The following NRXN3 variants were observed in gnomAD, a reference collection of about 807,000 sequenced individuals.
The protein encoded by NRXN3 is neurexin 3, also known as neurexin III.
A neutral mutation model predicts 137.6 loss-of-function variants in NRXN3; 32 were observed. The observed-to-expected ratio is 0.23, with a 90% CI of 0.18 to 0.31. NRXN3 has a LOEUF of 0.31. Among genes scored for constraint, NRXN3 ranks in the 10% least tolerant of loss-of-function variants. The pLI is 1.00. For missense variants in NRXN3, 1,574 were observed against 2,062.5 expected (o/e 0.76, Z 4.59); for synonymous variants, 798 against 784.5 (o/e 1.02, Z -0.29).
At chr14:78,660,276 T>TATATATATA (rs1566997203) in intron 6 of NRXN3, among the ~76,000 whole-genome samples, 1 of 150,244 alleles carries the variant, frequency 6.7e-6, no homozygotes, top group African/African-American at 2.5e-5. Context: ...TATATATATA[T>TATATATATA]TTGGCAACTG....
chr14:79,227,116 C>T (rs1454319507), intron 15 of NRXN3, among the ~76,000 whole-genome samples: 2 of 151,694 alleles, frequency 1.3e-5, no homozygotes, highest in African/African-American at 4.9e-5. Flanking sequence ...CCGCGCCTGG[C>T]CTACATCCAT....
At chr14:78,754,354 C>T (rs1249619828) in intron 8 of NRXN3, among the ~76,000 whole-genome samples, 1 of 152,178 alleles carries the variant, frequency 6.6e-6, no homozygotes, top group Non-Finnish European at 1.5e-5. Flanking sequence ...CTCCCCACCC[C>T]ACACCGTTCT....
At chr14:79,653,907 A>G (rs2098490532) in intron 16 of NRXN3, among the ~76,000 whole-genome samples, 1 of 152,132 alleles carries the variant, frequency 6.6e-6, no homozygotes, top group East Asian at 1.9e-4. Flanking sequence ...CCTATGGCAA[A>G]TGGAATCCAC....
intron 16 of NRXN3, among the ~76,000 whole-genome samples, chr14:79,521,734 A>C (rs2097067091): frequency 6.6e-6 from 1 of 151,992 alleles, no homozygotes; most frequent in African/African-American, 2.4e-5. Context: ...TTCCATTTTC[A>C]TTCTGGTCTT....
chr14:79,646,242 G>C lies in NRXN3; in HGVS notation c.3445-17536G>C, dbSNP rs531180169. Among the ~76,000 whole-genome samples the C allele has an allele frequency of 2.2e-3, 302 of 134,938 alleles. 74 individuals are homozygous for C. The highest frequency in any genetic ancestry group is 4.7e-3 in the Non-Finnish European group (274 of 58,108). The allele number at this position is 134,938 out of a possible 152,430, so 88.5% of individuals were successfully genotyped here. On this transcript the variant is annotated intron_variant, in intron 16 of 20. Transcript: ENST00000335750. Reference sequence around the variant, plus strand: ...ATCATATGTATCCCTTGGGATTTGGGGTTGACAGCATAGTTGGGCTGCACT... The same window carrying C: ...ATCATATGTATCCCTTGGGATTTGGCGTTGACAGCATAGTTGGGCTGCACT...
chr14:78,989,401 C>T (rs1177355961), intron 15 of NRXN3, among the ~76,000 whole-genome samples: 1 of 152,006 alleles, frequency 6.6e-6, no homozygotes, highest in Non-Finnish European at 1.5e-5. Context: ...CTTTCATTCT[C>T]TTAAGGTACA....
At chr14:78,298,712 C>G (rs1033245797) in intron 4 of NRXN3, among the ~76,000 whole-genome samples, 6 of 152,210 alleles carry the variant, frequency 3.9e-5, no homozygotes, top group African/African-American at 1.2e-4. Context: ...GGGATGATTG[C>G]AAGATTGGTC....
At chr14:78,912,780 A>G (rs1449208275) in intron 10 of NRXN3, among the ~76,000 whole-genome samples, 1 of 152,188 alleles carries the variant, frequency 6.6e-6, no homozygotes, top group Non-Finnish European at 1.5e-5. Context: ...TGTTGGATCC[A>G]TTTGTTTTAG....
chr14:79,391,885 C>T (rs2094856798), intron 15 of NRXN3, among the ~76,000 whole-genome samples: 1 of 152,186 alleles, frequency 6.6e-6, no homozygotes, highest in African/African-American at 2.4e-5. Context: ...AAGAGAGATG[C>T]TAACTTTTTC....
chr14:79,034,044 T>C (rs2152501799), intron 15 of NRXN3, among the ~76,000 whole-genome samples: 1 of 152,226 alleles, frequency 6.6e-6, no homozygotes, highest in East Asian at 1.9e-4. Flanking sequence ...GTGGACATAA[T>C]ATGACTTTAG....
chr14:78,226,149 G>A (rs555093383), intron 1 of NRXN3, among the ~76,000 whole-genome samples: 13 of 152,182 alleles, frequency 8.5e-5, no homozygotes, highest in South Asian at 2.1e-4. Context: ...GATTACAGGC[G>A]CGTGCCACCA....
intron 14 of NRXN3, among the ~76,000 whole-genome samples, chr14:78,972,067 A>T (rs937486121): frequency 7.9e-5 from 12 of 152,214 alleles, no homozygotes; most frequent in African/African-American, 2.9e-4. Context: ...CTCCTAGTCA[A>T]CATTTAGTTG....
intron 4 of NRXN3, among the ~76,000 whole-genome samples, chr14:78,628,166 G>A (rs2097485599): frequency 6.6e-6 from 1 of 151,390 alleles, no homozygotes; most frequent in Non-Finnish European, 1.5e-5. Context: ...TCGAACTCCT[G>A]GGCTCAAACA....
At chr14:78,974,276 A>T in intron 14 of NRXN3, among the ~76,000 whole-genome samples, 1 of 152,214 alleles carries the variant, frequency 6.6e-6, no homozygotes, top group Non-Finnish European at 1.5e-5. Context: ...ATCCAAGGAG[A>T]TTGAAGCTCC....
intron 10 of NRXN3, among the ~76,000 whole-genome samples, chr14:78,932,481 G>A (rs1175245890): frequency 6.6e-6 from 1 of 152,166 alleles, no homozygotes; most frequent in East Asian, 1.9e-4. Context: ...AATTGAAGTA[G>A]TGGATATGGG....
intron 15 of NRXN3, among the ~76,000 whole-genome samples, chr14:79,089,238 A>G (rs2048707483): frequency 6.6e-6 from 1 of 152,190 alleles, no homozygotes; most frequent in Admixed American, 6.6e-5. Context: ...ATATGATTTG[A>G]TTGCCTAACA....
chr14:78,633,965 G>T (rs2097545123), intron 4 of NRXN3, among the ~76,000 whole-genome samples: 1 of 152,198 alleles, frequency 6.6e-6, no homozygotes, highest in African/African-American at 2.4e-5. Context: ...CCCTCCCCCT[G>T]CAGGGGAAGG....
At position 79,146,247 on chromosome 14, in the gene NRXN3, A is replaced by G. The variant is rs541094527; in HGVS notation, c.3262+158106A>G. On this transcript the variant is annotated intron_variant, in intron 15 of 20. Coordinates refer to ENST00000335750, the MANE Select transcript of NRXN3 (RefSeq NM_001330195.2). ...GCAATAGATTCAAGATGAACTCCAG[A>G]GCCTGTGCTCTTAACCACTACAGAA... Among the ~76,000 whole-genome samples, 15 of 152,256 alleles carry G rather than the reference A, an allele frequency of 9.9e-5. No homozygotes were observed. The South Asian group carries it at 3.1e-3, about 32-fold the overall frequency.
chr14:78,874,031 G>A (rs923106064), intron 10 of NRXN3, among the ~76,000 whole-genome samples: 1 of 150,976 alleles, frequency 6.6e-6, no homozygotes, highest in African/African-American at 2.5e-5. Context: ...AAGTGCAGTG[G>A]CACGATCTCA....
Sources: gnomAD v4.1 joint callset for allele counts (sites outside exome capture counted in the v4.1 genomes callset) on GRCh38, gnomAD v4.1.1 for gene constraint, MANE v1.5 for transcripts, NCBI Gene and HGNC (gene_info 2026-07-23, HGNC 2026-07-21) for gene names.